Variants in NDUFA5 observed in about 807,000 individuals in gnomAD.
The protein encoded by NDUFA5 is NADH dehydrogenase [ubiquinone] 1 alpha subcomplex subunit 5.
Under a neutral mutation model 19.8 loss-of-function variants are expected in NDUFA5, and 11 were observed. The observed-to-expected ratio is 0.56, with a 90% CI of 0.35 to 0.92. The LOEUF (loss-of-function observed/expected upper bound fraction) is 0.92. Among genes scored for constraint, NDUFA5 ranks in the 40% least tolerant of loss-of-function variants. The pLI is 0.01. For missense variants in NDUFA5, 109 were observed against 134.2 expected, an observed-to-expected ratio of 0.81 and a Z score of 0.93; for synonymous variants, 47 against 46.8, an observed-to-expected ratio of 1.00 and a Z score of -0.01.
At chr7:123,561,285 T>C (rs1055337103), upstream of NDUFA5, among the ~76,000 whole-genome samples, 1 of 152,214 alleles carries the variant, frequency 6.6e-6, no homozygotes, top group African/African-American at 2.4e-5. Context: ...CAACCAAATT[T>C]ATAAAATATT....
At chr7:123,550,795 A>C (rs1798310150) in intron 2 of NDUFA5, among the ~76,000 whole-genome samples, 1 of 152,000 alleles carries the variant, frequency 6.6e-6, no homozygotes, top group Admixed American at 6.6e-5. Flanking sequence ...GTATATAAAC[A>C]TGGGAACATT....
At chr7:123,558,902 AG>A (rs1293566924), upstream of NDUFA5, among the ~76,000 whole-genome samples, 1 of 152,176 alleles carries the variant, frequency 6.6e-6, no homozygotes, top group African/African-American at 2.4e-5. Flanking sequence ...GGAAGAGATG[AG>A]GCCTTTCATT....
chr7:123,584,982 A>G, the NDUFA5 span: 1 of 151,938 alleles, frequency 6.6e-6, no homozygotes, highest in African/African-American at 2.4e-5. Flanking sequence ...CATTTTGACT[A>G]GATGATTCTA....
At chr7:123,573,057 A>T in the NDUFA5 span, among the ~76,000 whole-genome samples, 5 of 152,008 alleles carry the variant, frequency 3.3e-5, no homozygotes, top group African/African-American at 1.2e-4. Flanking sequence ...TTAGCTTCTT[A>T]CTGAAAAAAT....
chr7:123,579,985 G>T, the NDUFA5 span, among the ~76,000 whole-genome samples: 4 of 151,938 alleles, frequency 2.6e-5, no homozygotes, highest in Non-Finnish European at 5.9e-5. Context: ...AATAAATCCT[G>T]ATGTAACAAA....
At chr7:123,585,138 T>C in the NDUFA5 span, 16 of 151,936 alleles carry the variant, frequency 1.1e-4, no homozygotes, top group East Asian at 2.9e-3. Flanking sequence ...TTCCATGACT[T>C]TGTTATTCAG....
chr7:123,566,972 A>C, the NDUFA5 span: 9 of 152,240 alleles, frequency 5.9e-5, no homozygotes, highest in Non-Finnish European at 1.5e-5. Flanking sequence ...ATATAGAATC[A>C]TATGATCATG....
chr7:123,590,876 A>G, the NDUFA5 span, among the ~76,000 whole-genome samples: 1 of 152,154 alleles, frequency 6.6e-6, no homozygotes, highest in African/African-American at 2.4e-5. Context: ...TTGAATCTAT[A>G]AATTACCTTG....
At chr7:123,583,788 G>A in the NDUFA5 span, among the ~76,000 whole-genome samples, 5 of 151,934 alleles carry the variant, frequency 3.3e-5, no homozygotes, top group Admixed American at 3.3e-4. Context: ...AAGCAAAGTA[G>A]AGGGGGGACA....
chr7:123,557,278 G>A (rs779923373), intron 2 of NDUFA5, 126 bp downstream of exon 2: 1 of 1,355,152 alleles, frequency 7.4e-7, no homozygotes, highest in South Asian at 1.2e-5. Flanking sequence ...CGTGTCTCAA[G>A]AGCTCACGCG....
In NDUFA5 at chr7:123,541,508, C is replaced by T. The variant is rs544072161; in HGVS notation, c.*611G>A. 3.3e-5 allele frequency: 5 copies of T among 152,156 alleles called. No individual in the cohort carries two copies. Among genetic ancestry groups the T allele is most frequent in the African/African-American group, 1.2e-4 (5 of 41,520 alleles). 9.4% of individuals were successfully genotyped at this position (152,156 alleles called of 1,614,324 possible). On this transcript the variant is annotated 3_prime_UTR_variant, in exon 5 of 5. Coordinates refer to ENST00000355749, the MANE Select transcript of NDUFA5 (RefSeq NM_005000.5). ...TAATAAAATTAAGACTATAAGAAAA[C>T]AGAGTAAATGGTATAATTCAATAAT...
rs1797893368 is a variant in NDUFA5, at chr7:123,540,580, G to A, written c.*1539C>T. The A allele has an allele frequency of 2.6e-5, 4 of 152,024 alleles. No individual in the cohort carries two copies. Among genetic ancestry groups the A allele is most frequent in the African/African-American group, 9.7e-5 (4 of 41,392 alleles). The allele number at this position is 152,024 out of a possible 1,614,324, so 9.4% of individuals were successfully genotyped here. On this transcript the variant is annotated 3_prime_UTR_variant, in exon 5 of 5. Coordinates refer to ENST00000355749, the MANE Select transcript of NDUFA5 (RefSeq NM_005000.5). Reference sequence around the variant, plus strand: ...AGAAATGTTTAGAACTGAAAATGTTGTTATAAATCATATTCTATTTCTTTT... The same window carrying A: ...AGAAATGTTTAGAACTGAAAATGTTATTATAAATCATATTCTATTTCTTTT...
the NDUFA5 span, among the ~76,000 whole-genome samples, chr7:123,582,411 C>A: frequency 6.6e-6 from 1 of 151,914 alleles, no homozygotes; most frequent in Non-Finnish European, 1.5e-5. Flanking sequence ...TTTCTCATTG[C>A]CACCGTCCTG....
intron 2 of NDUFA5, among the ~76,000 whole-genome samples, chr7:123,553,606 G>C (rs946934570): frequency 6.6e-6 from 1 of 152,184 alleles, no homozygotes; most frequent in Non-Finnish European, 1.5e-5. Context: ...GTTTGGCAGG[G>C]ATGGGGAAAT....
intron 3 of NDUFA5, among the ~76,000 whole-genome samples, chr7:123,547,153 C>T (rs995540735): frequency 1.3e-5 from 2 of 152,152 alleles, no homozygotes; most frequent in African/African-American, 2.4e-5. Flanking sequence ...ACAGCCCTGA[C>T]AACACCATCT....
chr7:123,550,656 C>G, intron 2 of NDUFA5, 70 bp from the exon 3 acceptor site: 1 of 806,964 alleles, frequency 1.2e-6, no homozygotes, highest in Non-Finnish European at 1.9e-6. Context: ...ACACTTGTCT[C>G]AAAGACAAAA....
the NDUFA5 span, among the ~76,000 whole-genome samples, chr7:123,600,302 T>C: frequency 1.3e-5 from 2 of 152,242 alleles, no homozygotes; most frequent in African/African-American, 2.4e-5. Flanking sequence ...TATCATTATA[T>C]GCATTATTTT....
the NDUFA5 span, among the ~76,000 whole-genome samples, chr7:123,574,804 C>T: frequency 6.6e-6 from 1 of 152,076 alleles, no homozygotes; most frequent in East Asian, 1.9e-4. Context: ...TAACAGGCAG[C>T]TTACACATCT....
At chr7:123,590,888 G>A in the NDUFA5 span, among the ~76,000 whole-genome samples, 1 of 152,100 alleles carries the variant, frequency 6.6e-6, no homozygotes, top group Non-Finnish European at 1.5e-5. Flanking sequence ...ATTACCTTGG[G>A]CAGTATGGCC....
Sources: allele counts gnomAD v4.1 joint callset (sites outside exome capture counted in the v4.1 genomes callset), GRCh38; gene constraint gnomAD v4.1.1; transcripts MANE v1.5; gene names NCBI Gene and HGNC (gene_info 2026-07-23, HGNC 2026-07-21).